PCLAF: variants seen among roughly 807,000 people sequenced by gnomAD.
PCLAF encodes the protein PCNA-associated factor.
In PCLAF, 12 loss-of-function variants were observed where a neutral mutation model predicts 15.1. That is an observed-to-expected ratio of 0.79 (90% CI 0.51 to 1.29). PCLAF has a LOEUF of 1.29. Ranked by LOEUF, PCLAF falls within the 50% of genes most tolerant of loss-of-function variation. The probability of loss-of-function intolerance (pLI) is 0.00; values close to 1 mark genes in which losing one functional copy is unlikely to be tolerated. For synonymous variants in PCLAF, 33 were observed against 47.1 expected (o/e 0.70, Z 1.22); for missense variants, 116 against 130.9 (o/e 0.89, Z 0.56).
chr15:64,387,423 A>G (rs1004274750), intron 1 of PCLAF: 24 of 1,155,186 alleles, frequency 2.1e-5, no homozygotes, highest in Non-Finnish European at 2.5e-5. Context: ...AAAAATTAAA[A>G]CCACCACCAG....
rs11554320 is a variant in PCLAF, at chr15:64,376,833, T to C, written c.200A>G (p.Glu67Gly). The C allele has an allele frequency of 6.2e-7, 1 of 1,613,922 alleles. No individual in the cohort carries two copies. Among genetic ancestry groups the C allele is most frequent in the Non-Finnish European group, 8.5e-7 (1 of 1,179,826 alleles). The change falls in exon 3 of 4, where the codon GAA becomes GGA. Residue 67 changes from glutamate to glycine, a missense_variant. By Grantham distance (98) the Glu-to-Gly change is moderately conservative. Transcript: ENST00000300035. Reference protein sequence around the residue: ...PTPKWQKGIGEFFRLSPKDSE... With the variant: ...PTPKWQKGIGGFFRLSPKDSE... ...ATCTTTAGGGGACAACCTAAAGAAT[T>C]CTCCAATTCCTTTTTGCCACTTGGG...
rs1464571996 is a variant in PCLAF at position 64,365,108 on chromosome 15, T to C, written c.*922A>G. On this transcript the variant is annotated 3_prime_UTR_variant, in exon 4 of 4. Transcript: ENST00000300035. ...AGCTCCACTTCCCGGGTTCACGCCA[T>C]TCTCCTGCCTCAGCCTCCCGAGTAG... 6.7e-6 allele frequency: 1 copy of C among 150,284 alleles called. No homozygotes were observed. Among genetic ancestry groups the C allele is most frequent in the Admixed American group, 6.7e-5 (1 of 14,902 alleles). The allele number at this position is 150,284 out of a possible 1,614,324, so 9.3% of individuals were successfully genotyped here.
At chr15:64,386,896 G>T (rs187946429) in intron 1 of PCLAF, among the ~76,000 whole-genome samples, 45 of 152,242 alleles carry the variant, frequency 3.0e-4, no homozygotes, top group Admixed American at 1.7e-3. Context: ...AGAAATGAAT[G>T]GGAAGACATT....
chr15:64,380,102 G>T (rs976861588), intron 2 of PCLAF, among the ~76,000 whole-genome samples: 1 of 152,082 alleles, frequency 6.6e-6, no homozygotes, highest in Admixed American at 6.6e-5. Flanking sequence ...AAAAATAATA[G>T]CTGGGCGTGG....
At chr15:64,370,315 CT>C (rs777163141) in intron 3 of PCLAF, among the ~76,000 whole-genome samples, 13 of 151,110 alleles carry the variant, frequency 8.6e-5, no homozygotes, top group Non-Finnish European at 1.8e-4. Context: ...TCAAGCAATC[CT>C]CCCCCTTCAG....
Position 64,368,056 on chromosome 15 carries a change from C to T in PCLAF, c.291-1981G>A, listed in dbSNP as rs543442102. ...GCACTCAGATTTGGTATAAGATTATCGTTGGCCCGGCGCGGTGGCTCATGC... is the reference window on the plus strand; with the variant it reads ...GCACTCAGATTTGGTATAAGATTATTGTTGGCCCGGCGCGGTGGCTCATGC... On this transcript the variant is annotated intron_variant, in intron 3 of 3. Coordinates refer to ENST00000300035, the MANE Select transcript of PCLAF (RefSeq NM_014736.6). Among the ~76,000 whole-genome samples the T allele has an allele frequency of 3.3e-5, 5 of 151,524 alleles. No individual in the cohort carries two copies. In the South Asian group the frequency reaches 6.3e-4, roughly 19 times the overall value.
chr15:64,371,260 A>C (rs1391691428), intron 3 of PCLAF, among the ~76,000 whole-genome samples: 1 of 142,284 alleles, frequency 7.0e-6, no homozygotes, highest in Non-Finnish European at 1.5e-5. Flanking sequence ...GAGCCACTGC[A>C]CTTGGCTTTT....
upstream of PCLAF, among the ~76,000 whole-genome samples, chr15:64,385,203 T>G (rs1354712577): frequency 6.6e-6 from 1 of 152,182 alleles, no homozygotes; most frequent in East Asian, 1.9e-4. Context: ...TATGTTATTC[T>G]GGAGGACGTA....
intron 3 of PCLAF, among the ~76,000 whole-genome samples, chr15:64,369,305 G>A (rs139989474): frequency 2.1e-5 from 3 of 145,806 alleles, no homozygotes; most frequent in African/African-American, 7.7e-5. Context: ...AGGCTACAGC[G>A]AGCTATGATC....
intron 3 of PCLAF, chr15:64,373,624 T>C: frequency 6.7e-7 from 1 of 1,502,002 alleles, no homozygotes; most frequent in Non-Finnish European, 8.9e-7. Context: ...AAGGAACAAA[T>C]GAAGAAACCT....
At chr15:64,382,446 AAAAGAAAG>A (rs1177368022), upstream of PCLAF, 1 of 159,854 alleles carries the variant, frequency 6.3e-6, no homozygotes, top group Admixed American at 6.1e-5. Context: ...GAAAGAAAAG[AAAAGAAAG>A]AAAGAAAAGA....
At position 64,380,246 on chromosome 15, in the gene PCLAF, G is replaced by C. The variant is rs569518339; in HGVS notation, c.127+712C>G. On this transcript the variant is annotated intron_variant, in intron 2 of 3. Transcript: ENST00000300035. ...AAATACAAAAAAATTAGCTGGGTGTGGTGGCGTGCACCTGTAATCCCAGCT... is the reference window on the plus strand; with the variant it reads ...AAATACAAAAAAATTAGCTGGGTGTCGTGGCGTGCACCTGTAATCCCAGCT... Among the ~76,000 whole-genome samples, 96 of 152,082 alleles carry C rather than the reference G, an allele frequency of 6.3e-4. 4 individuals carry two copies. Among genetic ancestry groups the C allele is most frequent in the African/African-American group, 2.3e-3 (94 of 41,482 alleles).
At chr15:64,366,462 T>G (rs1352192197) in intron 3 of PCLAF, among the ~76,000 whole-genome samples, 1 of 152,198 alleles carries the variant, frequency 6.6e-6, no homozygotes, top group Non-Finnish European at 1.5e-5. Context: ...CCAATCCACT[T>G]TAGCAGAGAA....
chr15:64,373,877 C>T, intron 3 of PCLAF: 1 of 1,026,584 alleles, frequency 9.7e-7, no homozygotes, highest in Non-Finnish European at 1.4e-6. Context: ...CGAAACAAAA[C>T]ATTTAAGTTG....
chr15:64,381,431 A>G lies in PCLAF; in HGVS notation c.-60T>C, dbSNP rs1038583655. 15 of 1,613,326 alleles carry G rather than the reference A, an allele frequency of 9.3e-6. No individual in the cohort carries two copies. The African/African-American group carries it at 2.0e-4, about 22-fold the overall frequency. On this transcript the variant is annotated 5_prime_UTR_variant, in exon 1 of 4. Transcript: ENST00000300035. ...CTGACTTCCCAGCCGAGGGTGTTTCACTGGACAAGGACCCGAAAACTATCC... is the reference window on the plus strand; with the variant it reads ...CTGACTTCCCAGCCGAGGGTGTTTCGCTGGACAAGGACCCGAAAACTATCC...
At chr15:64,369,220 G>A (rs1341455389) in intron 3 of PCLAF, among the ~76,000 whole-genome samples, 3 of 151,906 alleles carry the variant, frequency 2.0e-5, no homozygotes, top group African/African-American at 7.3e-5. Flanking sequence ...AATTAGCCAG[G>A]AGCAATGGCA....
At chr15:64,383,978 T>G (rs1382038515), upstream of PCLAF, among the ~76,000 whole-genome samples, 1 of 152,152 alleles carries the variant, frequency 6.6e-6, no homozygotes, top group Non-Finnish European at 1.5e-5. Context: ...TAAAAGTTCT[T>G]CATTGAAATG....
At chr15:64,380,199 A>C (rs1388638688) in intron 2 of PCLAF, among the ~76,000 whole-genome samples, 1 of 151,898 alleles carries the variant, frequency 6.6e-6, no homozygotes, top group African/African-American at 2.4e-5. Flanking sequence ...TGGCCAACAT[A>C]GTGAAACCCC....
In PCLAF at chr15:64,381,318, C is replaced by G. The variant is rs188268476; in HGVS notation, c.46+8G>C. 2.5e-6 allele frequency: 4 copies of G among 1,614,116 alleles called. No homozygotes were observed. The Admixed American group carries it at 6.7e-5, about 27-fold the overall frequency. ...CCCGCCCTCCAGTACCACACTCGAT[C>G]GCCTCACCTTTTCTGTAAGTGCCTG... On this transcript the variant is annotated splice_region_variant and intron_variant, in intron 1 of 3. Coordinates refer to ENST00000300035, the MANE Select transcript of PCLAF (RefSeq NM_014736.6).
Sources: gnomAD v4.1 joint callset for allele counts (sites outside exome capture counted in the v4.1 genomes callset) on GRCh38, gnomAD v4.1.1 for gene constraint, MANE v1.5 for transcripts, NCBI Gene and HGNC (gene_info 2026-07-23, HGNC 2026-07-21) for gene names.